Variants in FIG4 observed in about 807,000 individuals in gnomAD.
FIG4 encodes the protein FIG4 phosphoinositide 5-phosphatase, also known as polyphosphoinositide phosphatase.
A neutral mutation model predicts 118.6 loss-of-function variants in FIG4; 112 were observed. The observed-to-expected ratio is 0.94, with a 90% CI of 0.81 to 1.11. The LOEUF (loss-of-function observed/expected upper bound fraction) is 1.11, where lower values mean the gene tolerates loss of function less well. Among genes scored for constraint, FIG4 ranks in the 50% least tolerant of loss-of-function variants. The probability of loss-of-function intolerance (pLI) is 0.00; values close to 1 mark genes in which losing one functional copy is unlikely to be tolerated. For synonymous variants in FIG4, 369 were observed against 381.2 expected, an observed-to-expected ratio of 0.97 and a Z score of 0.37; for missense variants, 969 against 1,111.7, an observed-to-expected ratio of 0.87 and a Z score of 1.83.
chr6:109,701,693 C>T (rs1226067005), intron 1 of FIG4: 1 of 471,514 alleles, frequency 2.1e-6, no homozygotes, highest in Admixed American at 2.3e-5. Flanking sequence ...ACCCCCATCA[C>T]AGAAAGTAGA....
chr6:109,782,248 T>C (rs1348378225), intron 16 of FIG4, among the ~76,000 whole-genome samples: 1 of 152,196 alleles, frequency 6.6e-6, no homozygotes, highest in South Asian at 2.1e-4. Context: ...GTTCTTCCTC[T>C]GGATAAATGT....
chr6:109,747,580 GTGA>G (rs1451493183), intron 10 of FIG4, among the ~76,000 whole-genome samples: 1 of 152,144 alleles, frequency 6.6e-6, no homozygotes. Flanking sequence ...CAGTGAGTAA[GTGA>G]TGTACTTTTC....
rs149927094 is a variant in FIG4, at chr6:109,760,562, A to G, written c.1271+179A>G. 9.9e-5 allele frequency among the ~76,000 whole-genome samples: 15 copies of G among 152,204 alleles called. No individual in the cohort carries two copies. The East Asian group carries it at 1.7e-3, about 18-fold the overall frequency. ...CAAACATTTTTTTTTCTTTTTGCCT[A>G]TCATATATACCATTTGCAAATTGTT... On this transcript the variant is annotated intron_variant, in intron 11 of 22. Transcript: ENST00000230124.
At chr6:109,813,529 GT>G (rs1189717635) in intron 22 of FIG4, among the ~76,000 whole-genome samples, 11 of 152,092 alleles carry the variant, frequency 7.2e-5, no homozygotes, top group Non-Finnish European at 1.5e-4. Context: ...ACCTTGACAC[GT>G]TGAAGAATGC....
chr6:109,781,370 G>A (rs1327265529), intron 16 of FIG4, among the ~76,000 whole-genome samples: 1 of 152,102 alleles, frequency 6.6e-6, no homozygotes, highest in African/African-American at 2.4e-5. Flanking sequence ...GTGGTTTCAA[G>A]GCCCTCCAGC....
In FIG4 at chr6:109,786,425, G is replaced by A; in HGVS notation, c.2072G>A (p.Cys691Tyr). ...TTGAGCAGCTTTGATGATACCTTTT[G>A]CTTGGCTATGACAAGCTCAGCACGG... ...YELSSFDDTFCLAMTSSARDF... is the reference protein window; with the variant it reads ...YELSSFDDTFYLAMTSSARDF... Residue 691 changes from cysteine (C) to tyrosine (Y), a missense_variant, in exon 18 of 23, where the codon TGC becomes TAC. By Grantham distance (194) the Cys-to-Tyr change is radical. This residue lies in a region of FIG4 where 330 missense variants were observed against 348.1 expected (regional missense o/e 0.95). Transcript: ENST00000230124. 8 of 1,613,904 alleles carry A rather than the reference G, an allele frequency of 5.0e-6. No homozygotes were observed. Among genetic ancestry groups the A allele is most frequent in the Non-Finnish European group, 6.8e-6 (8 of 1,179,820 alleles).
Position 109,760,441 on chromosome 6 carries a change from A to T in FIG4, c.1271+58A>T, listed in dbSNP as rs1207563176. 6 of 1,470,118 alleles carry T rather than the reference A, an allele frequency of 4.1e-6. No individual in the cohort carries two copies. In the African/African-American group the frequency reaches 7.0e-5, roughly 17 times the overall value. The allele number at this position is 1,470,118 out of a possible 1,614,324, so 91.1% of individuals were successfully genotyped here. On this transcript the variant is annotated intron_variant, in intron 11 of 22. Coordinates refer to ENST00000230124, the MANE Select transcript of FIG4 (RefSeq NM_014845.6). Reference sequence around the variant, plus strand: ...TTTCCTTTTCTTGTGATGAGAAATAACAGGAAGCTGACCTCTGTGGTAAAG... The same window carrying T: ...TTTCCTTTTCTTGTGATGAGAAATATCAGGAAGCTGACCTCTGTGGTAAAG...
At chr6:109,817,516 T>C (rs909341015) in intron 22 of FIG4, among the ~76,000 whole-genome samples, 15 of 151,940 alleles carry the variant, frequency 9.9e-5, no homozygotes, top group African/African-American at 3.6e-4. Flanking sequence ...AAGCCAAAAG[T>C]TATTTTTAAA....
chr6:109,796,287 A>T (rs961572124), intron 21 of FIG4, among the ~76,000 whole-genome samples: 3 of 152,186 alleles, frequency 2.0e-5, no homozygotes, highest in African/African-American at 7.2e-5. Flanking sequence ...GCCGGCTCTT[A>T]GCAGTGTCCC....
chr6:109,801,662 G>A (rs1583755598), intron 22 of FIG4, among the ~76,000 whole-genome samples: 3 of 152,292 alleles, frequency 2.0e-5, no homozygotes, highest in South Asian at 4.1e-4. Context: ...AATGCCCCTC[G>A]GTGTGGGCTT....
At chr6:109,752,921 A>C (rs1469081781) in intron 10 of FIG4, among the ~76,000 whole-genome samples, 1 of 152,158 alleles carries the variant, frequency 6.6e-6, no homozygotes, top group Non-Finnish European at 1.5e-5. Context: ...GCCCATGCCT[A>C]TGTCCTGAAT....
chr6:109,714,132 C>G (rs569048501), intron 1 of FIG4, among the ~76,000 whole-genome samples: 18 of 152,274 alleles, frequency 1.2e-4, no homozygotes, highest in African/African-American at 4.3e-4. Flanking sequence ...CCTGCCAACT[C>G]GAGTGTCTGT....
At chr6:109,762,637 C>A (rs1017825830) in intron 12 of FIG4, among the ~76,000 whole-genome samples, 1 of 150,840 alleles carries the variant, frequency 6.6e-6, no homozygotes, top group African/African-American at 2.4e-5. Context: ...TATGCTTTAT[C>A]TTTTAAGAAA....
rs147224014 is a variant in FIG4, at chr6:109,725,998, A to C, written c.290-1111A>C. 4.8e-3 allele frequency among the ~76,000 whole-genome samples: 736 copies of C among 152,222 alleles called. 11 individuals are homozygous for C. Among genetic ancestry groups the C allele is most frequent in the African/African-American group, 0.017 (709 of 41,536 alleles). On this transcript the variant is annotated intron_variant, in intron 3 of 22. Transcript: ENST00000230124. ...AAGTTCCTTGTAGATTCTGGATATT[A>C]GCCCTTTGTGAGATGGATAGATTGC...
intron 22 of FIG4, among the ~76,000 whole-genome samples, chr6:109,797,438 C>T (rs1466765132): frequency 2.0e-5 from 3 of 152,156 alleles, no homozygotes; most frequent in Non-Finnish European, 2.9e-5. Context: ...ACACAAAGTG[C>T]TTAGAGTAGT....
intron 10 of FIG4, among the ~76,000 whole-genome samples, chr6:109,749,528 A>G (rs949907599): frequency 2.6e-5 from 4 of 151,730 alleles, no homozygotes; most frequent in African/African-American, 9.7e-5. Context: ...ATAAAGTGTT[A>G]CTGGATTAGA....
Position 109,760,335 on chromosome 6 carries a change from A to C in FIG4, c.1223A>C (p.Glu408Ala). ...TATCTCAACCAATTTTTGCCTCCTG[A>C]GCACACTATTGTTTATATTCCCTGG... is the stretch of plus-strand genomic sequence containing the variant. ...VTYLNQFLPPEHTIVYIPWDM... is the reference protein window; with the variant it reads ...VTYLNQFLPPAHTIVYIPWDM... The change falls in exon 11 of 23, where the codon GAG becomes GCG. Residue 408 changes from glutamate (E) to alanine (A), a missense_variant. Physicochemically the swap from Glu to Ala is moderately radical, Grantham distance 107 (BLOSUM62 -1). Transcript: ENST00000230124. 6.2e-7 allele frequency: 1 copy of C among 1,613,146 alleles called. No homozygotes were observed. The highest frequency in any genetic ancestry group is 1.7e-5 in the Admixed American group (1 of 60,020).
intron 4 of FIG4, among the ~76,000 whole-genome samples, chr6:109,729,772 TCA>T (rs1775933263): frequency 1.3e-5 from 1 of 75,928 alleles, no homozygotes. Context: ...AGACCCTGCC[TCA>T]AAAAAAAAAA....
At chr6:109,698,236 C>G (rs1774796260) in intron 1 of FIG4, among the ~76,000 whole-genome samples, 1 of 151,090 alleles carries the variant, frequency 6.6e-6, no homozygotes, top group Non-Finnish European at 1.5e-5. Context: ...ACCAACTTGT[C>G]TTGATAATTG....
Sources: allele counts gnomAD v4.1 joint callset (sites outside exome capture counted in the v4.1 genomes callset), GRCh38; gene constraint gnomAD v4.1.1; regional missense constraint gnomAD v4.1.1; transcripts MANE v1.5; gene names NCBI Gene and HGNC (gene_info 2026-07-23, HGNC 2026-07-21).